RGS12: variants seen among roughly 807,000 people sequenced by gnomAD.
RGS12 encodes regulator of G protein signaling 12.
RGS12 carries 66 observed loss-of-function variants against 120.1 expected under a neutral mutation model. The observed-to-expected ratio is 0.55, with a 90% CI of 0.45 to 0.67. RGS12 has a LOEUF of 0.67. Ranked by LOEUF, RGS12 falls within the 30% of genes least tolerant of loss-of-function variation. The pLI, the probability that RGS12 is intolerant of heterozygous loss-of-function variation, is 0.00. For synonymous variants in RGS12, 827 were observed against 804.7 expected, an observed-to-expected ratio of 1.03 and a Z score of -0.47; for missense variants, 1,859 against 1,957.7, an observed-to-expected ratio of 0.95 and a Z score of 0.95.
At position 3,399,940 on chromosome 4, in the gene RGS12, G is replaced by A. The variant is rs148962412; in HGVS notation, c.2020+13503G>A. Among the ~76,000 whole-genome samples, 1,056 of 152,342 alleles carry A rather than the reference G, an allele frequency of 6.9e-3. 6 individuals carry two copies. The highest frequency in any genetic ancestry group is 0.011 in the Non-Finnish European group (730 of 68,040). On this transcript the variant is annotated intron_variant, in intron 4 of 17. Transcript: ENST00000336727. ...ATGGGGCACTGCAGGCCTTGTGGCC[G>A]AGGGAAAAGACGGCAGGGCAGAATC...
intron 1 of RGS12, among the ~76,000 whole-genome samples, chr4:3,293,868 G>A (rs1403577669): frequency 8.2e-5 from 6 of 72,738 alleles, no homozygotes; most frequent in South Asian, 1.1e-3. Flanking sequence ...CAGAGAGAGG[G>A]CCCAGAGCCA....
In RGS12 at chr4:3,430,780, C is replaced by T. The variant is rs535010893; in HGVS notation, c.3939C>T (p.Thr1313=). 6.0e-5 allele frequency: 97 copies of T among 1,611,456 alleles called. No homozygotes were observed. Among genetic ancestry groups the T allele is most frequent in the South Asian group, 5.6e-4 (51 of 90,856 alleles). The stretch of plus-strand genomic sequence containing the variant: ...CCGTCTCCCTCGCGCAGGAGGGCAC[C>T]GCCCAGATCTGGAAGAGGCAGTCTC... ...QSPVSLAQEG[T]AQIWKRQSQE... is the part of the protein sequence containing the mutation. Residue 1313 remains threonine (T), a synonymous_variant, in exon 17 of 18, where the codon ACC becomes ACT. Coordinates refer to ENST00000336727, the MANE Select transcript of RGS12 (RefSeq NM_001394154.1).
intron 4 of RGS12, chr4:3,413,245 G>A (rs537125692): frequency 1.3e-5 from 2 of 152,394 alleles, no homozygotes; most frequent in South Asian, 2.1e-4. Context: ...GATGAACGGG[G>A]ATTTCCTGGG....
chr4:3,400,480 G>A (rs1720467855), intron 4 of RGS12, among the ~76,000 whole-genome samples: 1 of 151,984 alleles, frequency 6.6e-6, no homozygotes, highest in African/African-American at 2.4e-5. Flanking sequence ...ATTAAAGGAC[G>A]AAAATCATAT....
chr4:3,291,075 C>G (rs555364921), upstream of RGS12, among the ~76,000 whole-genome samples: 10 of 152,344 alleles, frequency 6.6e-5, no homozygotes, highest in African/African-American at 2.4e-4. Context: ...GCTGCTCGTC[C>G]TCTTCCCCTA....
rs1356573031 is a variant in RGS12, at chr4:3,366,566, G to A, written c.1999-19850G>A. Reference sequence around the variant, plus strand: ...AGGAGGCAGCAGGGCTTGCGGCCGGGATCCACCAGGGCCGTCCCGGTTCCT... The same window carrying A: ...AGGAGGCAGCAGGGCTTGCGGCCGGAATCCACCAGGGCCGTCCCGGTTCCT... On this transcript the variant is annotated intron_variant, in intron 3 of 17. Transcript: ENST00000336727. This position sits in a 1 kb window ranked among gnomAD's most constrained non-coding sequence, Gnocchi z 4.0. Among the ~76,000 whole-genome samples, 2 of 152,214 alleles carry A rather than the reference G, an allele frequency of 1.3e-5. No homozygotes were observed. The highest frequency in any genetic ancestry group is 2.4e-5 in the African/African-American group (1 of 41,446).
intron 17 of RGS12, among the ~76,000 whole-genome samples, chr4:3,434,354 C>T (rs914764867): frequency 1.3e-5 from 2 of 152,174 alleles, no homozygotes; most frequent in African/African-American, 4.8e-5. Flanking sequence ...TCACAATTCA[C>T]GGTGAGGTTT....
At chr4:3,360,328 A>G (rs1715438322) in intron 3 of RGS12, among the ~76,000 whole-genome samples, 1 of 151,632 alleles carries the variant, frequency 6.6e-6, no homozygotes, top group African/African-American at 2.4e-5. Flanking sequence ...GGTTTTGTTA[A>G]TTTTTTTCTT....
intron 3 of RGS12, among the ~76,000 whole-genome samples, chr4:3,367,643 G>A (rs758458880): frequency 1.3e-5 from 2 of 152,256 alleles, no homozygotes; most frequent in Non-Finnish European, 2.9e-5. Context: ...TCTCCCCAGG[G>A]CACTTGCTGC....
chr4:3,324,393 A>G, intron 2 of RGS12: 1 of 212,042 alleles, frequency 4.7e-6, no homozygotes. Flanking sequence ...CTTAGTGGGG[A>G]TGTCCCCTGT....
At position 3,414,741 on chromosome 4, in the gene RGS12, G is replaced by T. The variant is rs762280753; in HGVS notation, c.2191-11G>T. 1.0e-5 allele frequency: 16 copies of T among 1,578,612 alleles called. No individual in the cohort carries two copies. The highest frequency in any genetic ancestry group is 8.7e-7 in the Non-Finnish European group (1 of 1,147,734). ...GTCAGTGTTAATAAATGGTGTCTTT[G>T]TCTTTCTTAGGATTTTCTAAGGAAA... On this transcript the variant is annotated splice_polypyrimidine_tract_variant and intron_variant, in intron 5 of 17. Coordinates refer to ENST00000336727, the MANE Select transcript of RGS12 (RefSeq NM_001394154.1).
At chr4:3,381,418 G>A (rs1316029251) in intron 3 of RGS12, among the ~76,000 whole-genome samples, 1 of 152,116 alleles carries the variant, frequency 6.6e-6, no homozygotes, top group East Asian at 1.9e-4. Context: ...TACTATATTA[G>A]TCCGTTATCA....
rs1394659143 is a variant in RGS12, at chr4:3,390,068, C to T, written c.2020+3631C>T. 6.6e-6 allele frequency among the ~76,000 whole-genome samples: 1 copy of T among 152,196 alleles called. No homozygotes were observed. The highest frequency in any genetic ancestry group is 1.5e-5 in the Non-Finnish European group (1 of 68,040). On this transcript the variant is annotated intron_variant, in intron 4 of 17. Transcript: ENST00000336727. The surrounding 1 kb of genome is among the most constrained non-coding windows in gnomAD (Gnocchi z 4.6). ...TCCTGAACGCTGGTGGTTGCCCCCA[C>T]AGCAGCAGCAGTGATCTGCCCAGCC...
chr4:3,379,782 A>G (rs1010022410), intron 3 of RGS12, among the ~76,000 whole-genome samples: 1 of 152,152 alleles, frequency 6.6e-6, no homozygotes, highest in Non-Finnish European at 1.5e-5. Flanking sequence ...TGCCCCCATG[A>G]TTCAATTACC....
chr4:3,367,063 C>T (rs932770188), intron 3 of RGS12, among the ~76,000 whole-genome samples: 1 of 152,198 alleles, frequency 6.6e-6, no homozygotes, highest in African/African-American at 2.4e-5. Flanking sequence ...TCTAGCCCTG[C>T]CCCCCTGCTC....
chr4:3,316,206 G>A lies in RGS12; in HGVS notation c.36G>A (p.Leu12=), dbSNP rs576263618. Residue 12 remains leucine, a synonymous_variant, in exon 2 of 18, where the codon TTG becomes TTA. Coordinates refer to ENST00000336727, the MANE Select transcript of RGS12 (RefSeq NM_001394154.1). The stretch of plus-strand genomic sequence containing the variant: ...CTGGGGAGGCCTCCAAACGCCCATT[G>A]CCTGGGCCGTCGCCCCCAAGGGTGC... The part of the protein sequence containing the change: ...FRAGEASKRP[L]PGPSPPRVRS... 2 of 1,592,910 alleles carry A rather than the reference G, an allele frequency of 1.3e-6. No homozygotes were observed. The highest frequency in any genetic ancestry group is 1.1e-5 in the South Asian group (1 of 87,586).
chr4:3,395,600 A>G (rs1719972541), intron 4 of RGS12, among the ~76,000 whole-genome samples: 1 of 152,154 alleles, frequency 6.6e-6, no homozygotes, highest in African/African-American at 2.4e-5. Context: ...TCCTCTCAAC[A>G]CTTTCCCTGT....
At chr4:3,356,481 A>G (rs957306400) in intron 3 of RGS12, among the ~76,000 whole-genome samples, 1 of 152,134 alleles carries the variant, frequency 6.6e-6, no homozygotes, top group Non-Finnish European at 1.5e-5. Context: ...ATCCATCTCT[A>G]GAAGTTGTTT....
rs1032152585 is a variant in RGS12, at chr4:3,366,452, G to C, written c.1999-19964G>C. ...TCTGTGAGCTCTGCAGATGTCTCCC[G>C]GGCACAGTCAGCAGAGGCGCTCCTC... On this transcript the variant is annotated intron_variant, in intron 3 of 17. Transcript: ENST00000336727. This position sits in a 1 kb window ranked among gnomAD's most constrained non-coding sequence, Gnocchi z 4.0. 6.6e-6 allele frequency among the ~76,000 whole-genome samples: 1 copy of C among 152,122 alleles called. No individual in the cohort carries two copies. The highest frequency in any genetic ancestry group is 2.4e-5 in the African/African-American group (1 of 41,424).
Sources: allele counts gnomAD v4.1 joint callset (sites outside exome capture counted in the v4.1 genomes callset), GRCh38; gene constraint gnomAD v4.1.1; non-coding constraint Gnocchi (gnomAD v3.1); transcripts MANE v1.5; gene names NCBI Gene and HGNC (gene_info 2026-07-23, HGNC 2026-07-21).